PLEKHA5: variants seen among roughly 807,000 people sequenced by gnomAD.
PLEKHA5 encodes pleckstrin homology domain-containing family A member 5.
In PLEKHA5, 55 loss-of-function variants were observed where a neutral mutation model predicts 181.9. The ratio of observed to expected loss-of-function variants is 0.30; its 90% CI spans 0.24 to 0.38. The LOEUF is 0.38. Ranked by LOEUF, PLEKHA5 falls within the 10% of genes least tolerant of loss-of-function variation. PLEKHA5 has a pLI of 1.00. For missense variants in PLEKHA5, 1,432 were observed against 1,549.5 expected (o/e 0.92, Z 1.27); for synonymous variants, 535 against 529.4 (o/e 1.01, Z -0.15).
At chr12:19,374,041 G>A (rs2095652661) in intron 31 of PLEKHA5, among the ~76,000 whole-genome samples, 1 of 152,124 alleles carries the variant, frequency 6.6e-6, no homozygotes, top group Non-Finnish European at 1.5e-5. Flanking sequence ...ATAACTAAAG[G>A]CATGAAAACT....
chr12:19,228,046 G>C (rs2059931068), intron 3 of PLEKHA5, among the ~76,000 whole-genome samples: 1 of 152,158 alleles, frequency 6.6e-6, no homozygotes, highest in Non-Finnish European at 1.5e-5. Flanking sequence ...GTTGTGGTGG[G>C]TCCTTAGTAT....
intron 15 of PLEKHA5, among the ~76,000 whole-genome samples, chr12:19,305,727 G>A (rs863657): frequency 0.13 from 19,883 of 151,016 alleles, 1,513 homozygotes; most frequent in Admixed American, 0.22. Context: ...GGGCATTGTG[G>A]CACATGCCTG....
intron 3 of PLEKHA5, among the ~76,000 whole-genome samples, chr12:19,232,183 G>A (rs1281554412): frequency 2.6e-5 from 4 of 152,146 alleles, no homozygotes; most frequent in East Asian, 1.9e-4. Flanking sequence ...CATCTGTTGT[G>A]CAAGATAGTT....
intron 3 of PLEKHA5, among the ~76,000 whole-genome samples, chr12:19,239,613 A>AT (rs1442763010): frequency 1.3e-5 from 2 of 152,220 alleles, no homozygotes; most frequent in African/African-American, 2.4e-5. Flanking sequence ...GTAAAAGAAA[A>AT]CCTAGGAGGG....
chr12:19,373,102 G>A (rs1185801915), intron 31 of PLEKHA5: 1 of 152,176 alleles, frequency 6.6e-6, no homozygotes, highest in Non-Finnish European at 1.5e-5. Flanking sequence ...GTTTAGAAAT[G>A]ACTGTTGAGG....
chr12:19,151,034 T>C (rs1355977093), intron 3 of PLEKHA5: 3 of 152,234 alleles, frequency 2.0e-5, no homozygotes, highest in African/African-American at 7.2e-5. Context: ...AGTGTGATCA[T>C]TGAAGTCATG....
intron 21 of PLEKHA5, among the ~76,000 whole-genome samples, chr12:19,338,428 T>A (rs1034841327): frequency 2.0e-5 from 3 of 151,966 alleles, no homozygotes; most frequent in Admixed American, 6.5e-5. Context: ...GAGACCAGCC[T>A]GGCCAACGCA....
intron 3 of PLEKHA5, among the ~76,000 whole-genome samples, chr12:19,190,727 T>C (rs966497839): frequency 1.3e-5 from 2 of 152,204 alleles, no homozygotes; most frequent in Non-Finnish European, 2.9e-5. Context: ...CTTACTCTTG[T>C]GAGACAACTA....
intron 3 of PLEKHA5, among the ~76,000 whole-genome samples, chr12:19,154,932 G>C (rs1288337747): frequency 6.6e-6 from 1 of 152,184 alleles, no homozygotes; most frequent in African/African-American, 2.4e-5. Context: ...AGATAAGATT[G>C]AGAAACCTTT....
chr12:19,289,932 TTTTA>T (rs1407354066), intron 13 of PLEKHA5, among the ~76,000 whole-genome samples: 1 of 151,692 alleles, frequency 6.6e-6, no homozygotes, highest in Non-Finnish European at 1.5e-5. Context: ...TTTATTTTAT[TTTTA>T]TTTATTTTTT....
intron 3 of PLEKHA5, among the ~76,000 whole-genome samples, chr12:19,137,357 T>G (rs1449344736): frequency 6.6e-6 from 1 of 152,210 alleles, no homozygotes; most frequent in Non-Finnish European, 1.5e-5. Context: ...TATAATAATA[T>G]AACCAAATTT....
At chr12:19,231,570 A>G (rs2060577183) in intron 3 of PLEKHA5, among the ~76,000 whole-genome samples, 1 of 139,772 alleles carries the variant, frequency 7.2e-6, no homozygotes, top group Non-Finnish European at 1.5e-5. Context: ...ATGTACACAT[A>G]TATATGTATA....
intron 29 of PLEKHA5, among the ~76,000 whole-genome samples, chr12:19,362,239 C>A (rs915636396): frequency 7.0e-6 from 1 of 143,370 alleles, no homozygotes; most frequent in Non-Finnish European, 1.5e-5. Context: ...AAGATTAATA[C>A]GAAAACACAT....
chr12:19,304,175 A>G (rs1358532243), intron 15 of PLEKHA5, among the ~76,000 whole-genome samples: 1 of 151,924 alleles, frequency 6.6e-6, no homozygotes, highest in Non-Finnish European at 1.5e-5. Flanking sequence ...TAATCCCAAC[A>G]CTTTGGGAAT....
At chr12:19,144,662 G>A (rs566767939) in intron 3 of PLEKHA5, among the ~76,000 whole-genome samples, 43 of 152,276 alleles carry the variant, frequency 2.8e-4, no homozygotes, top group African/African-American at 9.6e-4. Flanking sequence ...AGCGATAACT[G>A]TTTGAAGCAA....
intron 3 of PLEKHA5, among the ~76,000 whole-genome samples, chr12:19,188,357 A>T (rs2050320266): frequency 6.6e-6 from 1 of 152,040 alleles, no homozygotes; most frequent in Non-Finnish European, 1.5e-5. Context: ...ACCTTAATAC[A>T]TTTTTTTCAT....
intron 22 of PLEKHA5, 57 bp downstream of exon 22, chr12:19,343,491 G>A (rs1050137649): frequency 7.4e-6 from 7 of 951,632 alleles, no homozygotes; most frequent in Admixed American, 3.6e-5. Context: ...GTCATGTGTC[G>A]CTTGGTGACA....
intron 8 of PLEKHA5, among the ~76,000 whole-genome samples, chr12:19,268,520 A>G (rs1010218410): frequency 6.6e-6 from 1 of 152,204 alleles, no homozygotes; most frequent in African/African-American, 2.4e-5. Context: ...TTTCCTCTGA[A>G]TGTATGAGCT....
At chr12:19,280,036 G>GTTTT (rs869050795) in intron 11 of PLEKHA5, among the ~76,000 whole-genome samples, 5 of 54,490 alleles carry the variant, frequency 9.2e-5, no homozygotes, top group African/African-American at 2.7e-4. Context: ...AATGAAACCT[G>GTTTT]TTTTTTTTTT....
Sources: gnomAD v4.1 joint callset for allele counts (sites outside exome capture counted in the v4.1 genomes callset) on GRCh38, gnomAD v4.1.1 for gene constraint, MANE v1.5 for transcripts, NCBI Gene and HGNC (gene_info 2026-07-23, HGNC 2026-07-21) for gene names.